Variants in OARD1 observed in about 807,000 individuals in gnomAD.
The protein encoded by OARD1 is O-acyl-ADP-ribose deacylase 1.
In OARD1, 19 loss-of-function variants were observed where a neutral mutation model predicts 19.7. That is an observed-to-expected ratio of 0.96 (90% CI 0.67 to 1.41). The LOEUF (loss-of-function observed/expected upper bound fraction) is 1.41, where lower values mean the gene tolerates loss of function less well. Ranked by LOEUF, OARD1 falls within the 40% of genes most tolerant of loss-of-function variation. The probability of loss-of-function intolerance (pLI) is 0.00; values close to 1 mark genes in which losing one functional copy is unlikely to be tolerated. For synonymous variants in OARD1, 70 were observed against 61.8 expected, an observed-to-expected ratio of 1.13 and a Z score of -0.62; for missense variants, 190 against 183.8, an observed-to-expected ratio of 1.03 and a Z score of -0.20.
At chr6:41,082,155 A>T (rs1404052881) in intron 1 of OARD1, among the ~76,000 whole-genome samples, 1 of 152,142 alleles carries the variant, frequency 6.6e-6, no homozygotes, top group African/African-American at 2.4e-5. Flanking sequence ...ACTACCTCTT[A>T]TTGTCATCAC....
chr6:41,080,113 T>A (rs915364675), intron 1 of OARD1, among the ~76,000 whole-genome samples: 1 of 152,152 alleles, frequency 6.6e-6, no homozygotes, highest in African/African-American at 2.4e-5. Context: ...GTTGAATCAT[T>A]GAAAACATGG....
At chr6:41,093,558 C>T (rs1402492826) in intron 1 of OARD1, among the ~76,000 whole-genome samples, 2 of 151,990 alleles carry the variant, frequency 1.3e-5, no homozygotes, top group African/African-American at 4.8e-5. Flanking sequence ...GCAACCTGCA[C>T]CTTCCATGTT....
chr6:41,092,995 C>T (rs1340219870), intron 1 of OARD1: 18 of 1,613,894 alleles, frequency 1.1e-5, no homozygotes, highest in Middle Eastern at 1.6e-4. Context: ...AGCCTCTCTA[C>T]GTGAATGCCA....
chr6:41,067,856 C>T (rs1232705544), intron 5 of OARD1, among the ~76,000 whole-genome samples: 1 of 152,014 alleles, frequency 6.6e-6, no homozygotes, highest in Non-Finnish European at 1.5e-5. Flanking sequence ...GGTACAGGAT[C>T]TGCAAAAAAG....
Position 41,070,139 on chromosome 6 carries a change from G to C in OARD1, c.185-5C>G. 1.3e-6 allele frequency: 2 copies of C among 1,494,252 alleles called. No homozygotes were observed. The highest frequency in any genetic ancestry group is 1.9e-6 in the Non-Finnish European group (2 of 1,080,628). The allele number at this position is 1,494,252 out of a possible 1,614,324, so 92.6% of individuals were successfully genotyped here. On this transcript the variant is annotated splice_region_variant and splice_polypyrimidine_tract_variant and intron_variant, in intron 3 of 5. Coordinates refer to ENST00000424266, the MANE Select transcript of OARD1 (RefSeq NM_001329686.2). The stretch of plus-strand genomic sequence containing the variant: ...CCACTTCTCCAGATTTCTTTTCTAA[G>C]AAAAAGTTATTTAATAGTAGAAATG...
intron 5 of OARD1, among the ~76,000 whole-genome samples, chr6:41,068,155 A>C (rs1005563478): frequency 6.6e-6 from 1 of 152,236 alleles, no homozygotes; most frequent in Admixed American, 6.5e-5. Context: ...AATAAGGGAC[A>C]TTTGAGGCCA....
chr6:41,068,051 T>C (rs143501992), intron 5 of OARD1, among the ~76,000 whole-genome samples: 1 of 152,258 alleles, frequency 6.6e-6, no homozygotes, highest in Non-Finnish European at 1.5e-5. Context: ...TAATTTCATG[T>C]CATAATGTGA....
In OARD1 at chr6:41,069,987, C is replaced by T. The variant is rs1318629850; in HGVS notation, c.243+89G>A. 3.6e-6 allele frequency: 3 copies of T among 832,464 alleles called. No individual in the cohort carries two copies. The Admixed American group carries it at 5.2e-5, about 14-fold the overall frequency. 51.6% of individuals were successfully genotyped at this position (832,464 alleles called of 1,614,324 possible). A position where few individuals can be genotyped will look rare whatever the true frequency, so the allele number is the denominator to read the frequency against. ...GTCTAGAATAGAACATCATGATCAA[C>T]ACAAATGCAGTGCAGCCCATCTGTT... On this transcript the variant is annotated intron_variant, in intron 4 of 5. Coordinates refer to ENST00000424266, the MANE Select transcript of OARD1 (RefSeq NM_001329686.2).
upstream of OARD1, among the ~76,000 whole-genome samples, chr6:41,076,126 C>T (rs1053223052): frequency 2.0e-5 from 3 of 152,098 alleles, no homozygotes; most frequent in Non-Finnish European, 2.9e-5. Context: ...AAATATCTGC[C>T]AGGCATGATG....
intron 1 of OARD1, 173 bp from the exon 2 acceptor site, chr6:41,071,848 G>A: frequency 1.8e-6 from 1 of 544,034 alleles, no homozygotes; most frequent in South Asian, 2.5e-5. Flanking sequence ...GAGGAAGAAC[G>A]CTTAGGTTCG....
At chr6:41,068,049 T>C (rs930368166) in intron 5 of OARD1, among the ~76,000 whole-genome samples, 1 of 152,172 alleles carries the variant, frequency 6.6e-6, no homozygotes, top group Non-Finnish European at 1.5e-5. Flanking sequence ...GGTAATTTCA[T>C]GTCATAATGT....
chr6:41,094,323 G>A lies in OARD1; in HGVS notation c.-42+3390C>T. The A allele has an allele frequency of 3.9e-6, 5 of 1,286,548 alleles. No homozygotes were observed. In the Admixed American group the frequency reaches 9.1e-5, roughly 23 times the overall value. 79.7% of individuals were successfully genotyped at this position (1,286,548 alleles called of 1,614,324 possible). Reference sequence around the variant, plus strand: ...CAGCTGTCTTAAACTTTGGAGAATGGAATTTGTGCACTAGATAACTGTGCT... The same window carrying A: ...CAGCTGTCTTAAACTTTGGAGAATGAAATTTGTGCACTAGATAACTGTGCT... On this transcript the variant is annotated intron_variant, in intron 1 of 4. Transcript: ENST00000480585.
At chr6:41,089,881 A>T (rs1002646120) in intron 1 of OARD1, among the ~76,000 whole-genome samples, 1 of 152,216 alleles carries the variant, frequency 6.6e-6, no homozygotes, top group South Asian at 2.1e-4. Flanking sequence ...GCACTTTGAG[A>T]GGCCGAGGCA....
At chr6:41,069,999 G>T in intron 4 of OARD1, 77 bp downstream of exon 4, 1 of 862,596 alleles carries the variant, frequency 1.2e-6, no homozygotes, top group Non-Finnish European at 2.0e-6. Context: ...CAAATGCAGT[G>T]CAGCCCATCT....
In OARD1 at chr6:41,067,463, G is replaced by C. The variant is rs758596299; in HGVS notation, c.357-26C>G. The C allele has an allele frequency of 5.4e-6, 8 of 1,485,414 alleles. No individual in the cohort carries two copies. In the African/African-American group the frequency reaches 1.1e-4, roughly 21 times the overall value. The allele number at this position is 1,485,414 out of a possible 1,614,324, so 92.0% of individuals were successfully genotyped here. A position where few individuals can be genotyped will look rare whatever the true frequency, so the allele number is the denominator to read the frequency against. ...CTGAAAAAGACAAAATATCTCCATT[G>C]ATGGTAACGAAAGTATCTAGGAAAC... On this transcript the variant is annotated intron_variant, in intron 5 of 5. Transcript: ENST00000424266.
chr6:41,070,997 C>CA, intron 3 of OARD1, 135 bp downstream of exon 3: 1 of 895,202 alleles, frequency 1.1e-6, no homozygotes, highest in Non-Finnish European at 1.8e-6. Context: ...AACTAGAGGC[C>CA]ATTCTTGGGG....
At chr6:41,091,786 A>G (rs1764202456) in intron 1 of OARD1, 1 of 1,405,042 alleles carries the variant, frequency 7.1e-7, no homozygotes, top group Non-Finnish European at 9.8e-7. Flanking sequence ...ACCTCTTGGG[A>G]TTGAGATCGA....
chr6:41,080,695 A>G (rs770535499), intron 1 of OARD1: 15 of 784,368 alleles, frequency 1.9e-5, no homozygotes, highest in Admixed American at 5.9e-5. Context: ...GAGTCTGTAC[A>G]TTTTGAAAGT....
chr6:41,091,919 A>G (rs1194455936), intron 1 of OARD1, among the ~76,000 whole-genome samples: 1 of 152,240 alleles, frequency 6.6e-6, no homozygotes, highest in Non-Finnish European at 1.5e-5. Context: ...CTGGAGATAA[A>G]GCAATGGATA....
Sources: gnomAD v4.1 joint callset for allele counts (sites outside exome capture counted in the v4.1 genomes callset) on GRCh38, gnomAD v4.1.1 for gene constraint, MANE v1.5 for transcripts, NCBI Gene and HGNC (gene_info 2026-07-23, HGNC 2026-07-21) for gene names.